Variants in CTNNA3 observed in about 807,000 individuals in gnomAD.
CTNNA3 encodes catenin alpha 3, also known as catenin alpha-3.
CTNNA3 carries 76 observed loss-of-function variants against 95.7 expected under a neutral mutation model. The observed-to-expected ratio is 0.79, with a 90% CI of 0.66 to 0.96. The LOEUF (loss-of-function observed/expected upper bound fraction) is 0.96. CTNNA3 is among the 40% of genes least tolerant of loss of function. The pLI, the probability that CTNNA3 is intolerant of heterozygous loss-of-function variation, is 0.00. For missense variants in CTNNA3, 1,191 were observed against 1,089.8 expected (o/e 1.09, Z -1.31); for synonymous variants, 431 against 374.4 (o/e 1.15, Z -1.74).
intron 12 of CTNNA3, among the ~76,000 whole-genome samples, chr10:66,336,105 C>A (rs974608890): frequency 6.6e-6 from 1 of 152,050 alleles, no homozygotes; most frequent in Non-Finnish European, 1.5e-5. Flanking sequence ...GTGGGAGTGA[C>A]CCGATTTTCC....
chr10:67,502,586 G>C (rs956628878), intron 5 of CTNNA3, among the ~76,000 whole-genome samples: 3 of 152,132 alleles, frequency 2.0e-5, no homozygotes, highest in Non-Finnish European at 4.4e-5. Context: ...CCTTCCCCCA[G>C]GTGCTCTGTC....
At chr10:66,011,663 T>G (rs1453412296) in intron 15 of CTNNA3, among the ~76,000 whole-genome samples, 1 of 151,758 alleles carries the variant, frequency 6.6e-6, no homozygotes, top group Non-Finnish European at 1.5e-5. Flanking sequence ...AGAGTAGGGG[T>G]CAATCAAGCC....
chr10:67,345,420 G>A (rs1014006321), intron 5 of CTNNA3, among the ~76,000 whole-genome samples: 2 of 152,068 alleles, frequency 1.3e-5, no homozygotes, highest in Admixed American at 1.3e-4. Flanking sequence ...GTTCAATGCT[G>A]AAAGTGGGGT....
At chr10:67,550,842 G>A (rs1247084474) in intron 3 of CTNNA3, among the ~76,000 whole-genome samples, 1 of 152,096 alleles carries the variant, frequency 6.6e-6, no homozygotes, top group Non-Finnish European at 1.5e-5. Context: ...TTAGTGTGAA[G>A]ATTTATCACG....
chr10:66,202,509 C>A (rs1363593274), intron 13 of CTNNA3, among the ~76,000 whole-genome samples: 1 of 152,170 alleles, frequency 6.6e-6, no homozygotes, highest in African/African-American at 2.4e-5. Context: ...TCTGAGCCTA[C>A]TCTGGTTCGG....
upstream of CTNNA3, among the ~76,000 whole-genome samples, chr10:67,700,723 C>T (rs1017111683): frequency 6.6e-6 from 1 of 152,318 alleles, no homozygotes; most frequent in Admixed American, 6.5e-5. Flanking sequence ...GAGCGCCTCT[C>T]CTCCTCCAAA....
chr10:67,151,181 T>C (rs528224018), intron 7 of CTNNA3, among the ~76,000 whole-genome samples: 4 of 152,200 alleles, frequency 2.6e-5, no homozygotes, highest in Non-Finnish European at 4.4e-5. Flanking sequence ...AGGCCTTCCT[T>C]TGGCTATCTC....
chr10:67,412,851 TA>T (rs1413487318), intron 5 of CTNNA3, among the ~76,000 whole-genome samples: 2 of 152,140 alleles, frequency 1.3e-5, no homozygotes, highest in African/African-American at 2.4e-5. Context: ...AAGAGGTCCT[TA>T]AGGGAGTTCT....
intron 5 of CTNNA3, among the ~76,000 whole-genome samples, chr10:67,474,620 A>G (rs996042409): frequency 6.6e-6 from 1 of 152,250 alleles, no homozygotes; most frequent in Non-Finnish European, 1.5e-5. Context: ...TTTAACAGAT[A>G]CTTCACTAAA....
intron 4 of CTNNA3, among the ~76,000 whole-genome samples, chr10:67,530,535 G>C (rs1056806442): frequency 1.3e-5 from 2 of 152,168 alleles, no homozygotes; most frequent in African/African-American, 4.8e-5. Flanking sequence ...TCTGGTTTAA[G>C]GAACTTCTAA....
chr10:66,427,404 C>CT (rs2093252004), intron 11 of CTNNA3, among the ~76,000 whole-genome samples: 1 of 152,032 alleles, frequency 6.6e-6, no homozygotes, highest in Non-Finnish European at 1.5e-5. Flanking sequence ...TAGCCTTCCC[C>CT]TAAGCTTCCT....
chr10:67,608,665 TG>T (rs908288456), intron 2 of CTNNA3, among the ~76,000 whole-genome samples: 17 of 152,020 alleles, frequency 1.1e-4, no homozygotes, highest in African/African-American at 3.4e-4. Flanking sequence ...TAATAAAGCT[TG>T]GGGAAAAAAA....
chr10:67,258,120 A>G (rs978975225), intron 5 of CTNNA3, among the ~76,000 whole-genome samples: 1 of 152,000 alleles, frequency 6.6e-6, no homozygotes, highest in African/African-American at 2.4e-5. Context: ...TTCCTTGCTC[A>G]TTTCAACAAT....
At position 66,593,325 on chromosome 10, in the gene CTNNA3, T is replaced by A. The variant is rs143258142; in HGVS notation, c.1374+28367A>T. ...GGCCAGTTTCAAGTCACTGGTGACATAGAGTTGTGAATAAAAGTGCACATT... is the reference window on the plus strand; with the variant it reads ...GGCCAGTTTCAAGTCACTGGTGACAAAGAGTTGTGAATAAAAGTGCACATT... On this transcript the variant is annotated intron_variant, in intron 10 of 17. Coordinates refer to ENST00000433211, the MANE Select transcript of CTNNA3 (RefSeq NM_013266.4). Among the ~76,000 whole-genome samples the A allele has an allele frequency of 4.6e-5, 7 of 152,262 alleles. No individual in the cohort carries two copies. The East Asian group carries it at 1.4e-3, about 29-fold the overall frequency.
chr10:67,742,452 A>G (rs1453913189), intron 1 of CTNNA3, among the ~76,000 whole-genome samples: 2 of 151,260 alleles, frequency 1.3e-5, no homozygotes, highest in African/African-American at 4.8e-5. Flanking sequence ...TTTGAAACCA[A>G]CGAGAACAAA....
intron 7 of CTNNA3, among the ~76,000 whole-genome samples, chr10:66,903,498 A>G (rs1009672580): frequency 6.6e-6 from 1 of 152,152 alleles, no homozygotes; most frequent in Non-Finnish European, 1.5e-5. Flanking sequence ...CACCACTCCT[A>G]TTCAACATAG....
chr10:67,436,703 C>A (rs942513500), intron 5 of CTNNA3, among the ~76,000 whole-genome samples: 1 of 152,048 alleles, frequency 6.6e-6, no homozygotes, highest in Non-Finnish European at 1.5e-5. Context: ...ACACAGATGG[C>A]CAACAAACAT....
At chr10:67,442,852 A>T (rs1156724085) in intron 5 of CTNNA3, among the ~76,000 whole-genome samples, 2 of 151,640 alleles carry the variant, frequency 1.3e-5, no homozygotes, top group African/African-American at 2.4e-5. Context: ...TGTGCAGGTT[A>T]GTTACATATG....
intron 7 of CTNNA3, among the ~76,000 whole-genome samples, chr10:66,971,685 G>T (rs1400762538): frequency 6.6e-6 from 1 of 152,208 alleles, no homozygotes; most frequent in East Asian, 1.9e-4. Context: ...GTAAGAACAG[G>T]TAAGGGTATA....
Sources: allele counts gnomAD v4.1 joint callset (sites outside exome capture counted in the v4.1 genomes callset), GRCh38; gene constraint gnomAD v4.1.1; transcripts MANE v1.5; gene names NCBI Gene and HGNC (gene_info 2026-07-23, HGNC 2026-07-21).